Variants in NPAS3 observed in about 807,000 individuals in gnomAD.
NPAS3 encodes neuronal PAS domain-containing protein 3.
A neutral mutation model predicts 73.1 loss-of-function variants in NPAS3; 14 were observed. The ratio of observed to expected loss-of-function variants is 0.19; its 90% confidence interval spans 0.13 to 0.30. NPAS3 has a LOEUF of 0.30. NPAS3 is among the 10% of genes least tolerant of loss of function. NPAS3 has a pLI of 1.00. For missense variants in NPAS3, 1,096 were observed against 1,250.0 expected (o/e 0.88, Z 1.86); for synonymous variants, 620 against 541.5 (o/e 1.14, Z -2.01).
intron 4 of NPAS3, among the ~76,000 whole-genome samples, chr14:33,414,948 C>T (rs984322526): frequency 7.9e-5 from 12 of 152,222 alleles, no homozygotes; most frequent in Middle Eastern, 6.8e-3. Context: ...CCCTGCTCCC[C>T]TCTCCCAATC....
At chr14:33,526,999 G>A (rs532829920) in intron 4 of NPAS3, among the ~76,000 whole-genome samples, 6 of 152,118 alleles carry the variant, frequency 3.9e-5, no homozygotes, top group Non-Finnish European at 8.8e-5. Context: ...GGAATAGATG[G>A]CATCCTTGTC....
intron 5 of NPAS3, among the ~76,000 whole-genome samples, chr14:33,579,924 A>G (rs1567024851): frequency 1.3e-5 from 2 of 152,226 alleles, no homozygotes; most frequent in Non-Finnish European, 2.9e-5. Flanking sequence ...GGTTTACCAT[A>G]TGGATCTCCT....
intron 7 of NPAS3, among the ~76,000 whole-genome samples, chr14:33,754,755 T>G (rs2062063945): frequency 6.6e-6 from 1 of 152,212 alleles, no homozygotes; most frequent in Non-Finnish European, 1.5e-5. Flanking sequence ...CCTTTCCCTC[T>G]TAAAAATCAT....
At chr14:33,023,336 C>T (rs1312221441) in intron 1 of NPAS3, among the ~76,000 whole-genome samples, 10 of 152,158 alleles carry the variant, frequency 6.6e-5, no homozygotes, top group Admixed American at 6.5e-4. Context: ...CACTTGGATT[C>T]AATGCTGACC....
intron 6 of NPAS3, among the ~76,000 whole-genome samples, chr14:33,723,500 A>G (rs539676395): frequency 1.3e-5 from 2 of 152,058 alleles, no homozygotes; most frequent in African/African-American, 2.4e-5. Context: ...CTTAGCCACT[A>G]ACTTTTCTAC....
intron 5 of NPAS3, among the ~76,000 whole-genome samples, chr14:33,644,132 T>C (rs2058755582): frequency 6.6e-6 from 1 of 152,216 alleles, no homozygotes. Flanking sequence ...GTACCAATTC[T>C]ATTAAAAATT....
chr14:33,197,121 C>G (rs2046385726), intron 2 of NPAS3, among the ~76,000 whole-genome samples: 1 of 152,136 alleles, frequency 6.6e-6, no homozygotes, highest in African/African-American at 2.4e-5. Flanking sequence ...TCATCAGAGT[C>G]TATCAATAAA....
intron 4 of NPAS3, among the ~76,000 whole-genome samples, chr14:33,535,126 C>T (rs2140205029): frequency 6.6e-6 from 1 of 152,250 alleles, no homozygotes; most frequent in South Asian, 2.1e-4. Flanking sequence ...ACAAGCAAAA[C>T]CAAGCGTAGT....
chr14:33,658,222 A>C (rs35074688), intron 5 of NPAS3, among the ~76,000 whole-genome samples: 2,859 of 152,352 alleles, frequency 0.019, 40 homozygotes, highest in Middle Eastern at 0.048. Flanking sequence ...CAACAAGTTA[A>C]AAACTGGAGA....
At chr14:33,166,834 A>G (rs929371487) in intron 2 of NPAS3, among the ~76,000 whole-genome samples, 11 of 152,208 alleles carry the variant, frequency 7.2e-5, no homozygotes, top group African/African-American at 1.9e-4. Flanking sequence ...TTTAAAGAGT[A>G]TGGAAATTGA....
At chr14:33,106,357 T>C (rs1449537792) in intron 2 of NPAS3, among the ~76,000 whole-genome samples, 2 of 152,326 alleles carry the variant, frequency 1.3e-5, no homozygotes, top group East Asian at 3.9e-4. Context: ...TGTTTCCACT[T>C]AACCTGCTAT....
chr14:33,571,346 A>G (rs1044255623), intron 5 of NPAS3, among the ~76,000 whole-genome samples: 2 of 152,004 alleles, frequency 1.3e-5, no homozygotes, highest in African/African-American at 4.8e-5. Context: ...AACGCTGGAC[A>G]TTTTTTCGTA....
chr14:33,547,973 C>T (rs991842792), intron 4 of NPAS3, among the ~76,000 whole-genome samples: 1 of 152,212 alleles, frequency 6.6e-6, no homozygotes, highest in African/African-American at 2.4e-5. Flanking sequence ...TGATTCTAGA[C>T]TAAGATAACT....
At chr14:33,510,653 C>T (rs2053004490) in intron 4 of NPAS3, among the ~76,000 whole-genome samples, 1 of 152,014 alleles carries the variant, frequency 6.6e-6, no homozygotes, top group African/African-American at 2.4e-5. Context: ...GCATTTTCTG[C>T]GTGTTGGAAG....
chr14:33,762,762 A>G (rs1308629985), intron 7 of NPAS3, among the ~76,000 whole-genome samples: 1 of 152,208 alleles, frequency 6.6e-6, no homozygotes, highest in Non-Finnish European at 1.5e-5. Context: ...ACTATCTCTA[A>G]TCATGGCTGA....
At position 33,210,380 on chromosome 14, in the gene NPAS3, A is replaced by C. The variant is rs141811300; in HGVS notation, c.141-4802A>C. ...CCCCTTTTTTCAAACTTTTTTGGGGATATATTTTGCTGGCTTCTAGCTTGA... is the reference window on the plus strand; with the variant it reads ...CCCCTTTTTTCAAACTTTTTTGGGGCTATATTTTGCTGGCTTCTAGCTTGA... On this transcript the variant is annotated intron_variant, in intron 2 of 11. Transcript: ENST00000356141. Among the ~76,000 whole-genome samples, 216 of 152,186 alleles carry C rather than the reference A, an allele frequency of 1.4e-3. 1 individual carries two copies. Among genetic ancestry groups the C allele is most frequent in the African/African-American group, 4.7e-3 (194 of 41,522 alleles).
At chr14:33,231,158 A>G (rs1232907775) in intron 3 of NPAS3, among the ~76,000 whole-genome samples, 4 of 152,236 alleles carry the variant, frequency 2.6e-5, no homozygotes, top group East Asian at 1.9e-4. Context: ...TGAAATGACA[A>G]GTCCTGGACA....
chr14:32,939,895 T>G (rs1486796258), intron 1 of NPAS3, among the ~76,000 whole-genome samples: 1 of 151,842 alleles, frequency 6.6e-6, no homozygotes, highest in Non-Finnish European at 1.5e-5. Context: ...CCGGAATGTG[T>G]CGCGGAGGGG....
chr14:33,329,870 T>C (rs1216819373), intron 3 of NPAS3, among the ~76,000 whole-genome samples: 1 of 152,108 alleles, frequency 6.6e-6, no homozygotes, highest in Non-Finnish European at 1.5e-5. Context: ...TGGAACATAG[T>C]AAGTGTTACA....
Sources: allele counts gnomAD v4.1 joint callset (sites outside exome capture counted in the v4.1 genomes callset), GRCh38; gene constraint gnomAD v4.1.1; transcripts MANE v1.5; gene names NCBI Gene and HGNC (gene_info 2026-07-23, HGNC 2026-07-21).